The following KCNK2 variants were observed in gnomAD, a reference collection of about 807,000 sequenced individuals.
The protein encoded by KCNK2 is potassium channel subfamily K member 2.
KCNK2 carries 21 observed loss-of-function variants against 40.5 expected under a neutral mutation model. The observed-to-expected ratio is 0.52, with a 90% CI of 0.37 to 0.75. KCNK2 has a LOEUF of 0.75. Among genes scored for constraint, KCNK2 ranks in the 30% least tolerant of loss-of-function variants. The probability of loss-of-function intolerance (pLI) is 0.00; values close to 1 mark genes in which losing one functional copy is unlikely to be tolerated. For synonymous variants in KCNK2, 191 were observed against 202.2 expected (o/e 0.94, Z 0.47); for missense variants, 399 against 531.6 (o/e 0.75, Z 2.45).
At position 215,208,858 on chromosome 1, in the gene KCNK2, C is replaced by T. The variant is rs150778284; in HGVS notation, c.963+13766C>T. 5.4e-3 allele frequency among the ~76,000 whole-genome samples: 815 copies of T among 151,946 alleles called. 19 individuals are homozygous for T. In the South Asian group the frequency reaches 0.063, roughly 12 times the overall value. On this transcript the variant is annotated intron_variant, in intron 6 of 6. Coordinates refer to ENST00000444842, the MANE Select transcript of KCNK2 (RefSeq NM_001017425.3). Reference sequence around the variant, plus strand: ...TCTGTTTTGTTTTGAGATGGAGTCTCGTTCTGTGGACCAGGCTGGAGTGCA... The same window carrying T: ...TCTGTTTTGTTTTGAGATGGAGTCTTGTTCTGTGGACCAGGCTGGAGTGCA...
At chr1:215,097,973 T>G (rs1660051705) in intron 2 of KCNK2, among the ~76,000 whole-genome samples, 1 of 151,990 alleles carries the variant, frequency 6.6e-6, no homozygotes, top group Admixed American at 6.6e-5. Context: ...TTAGGTAATA[T>G]TCTTACCAGT....
rs1430967148 is a variant in KCNK2, at chr1:215,083,055, C to A, written c.-331C>A. ...CGGGCAGGCGCGGGACCCGGGTCGC[C>A]CGCGCTCTCCGGGTGACCCGGGCCC... is the stretch of plus-strand genomic sequence containing the variant. On this transcript the variant is annotated 5_prime_UTR_variant, in exon 1 of 7. Transcript: ENST00000444842. The A allele has an allele frequency of 4.8e-6, 1 of 207,924 alleles. No homozygotes were observed. Among genetic ancestry groups the A allele is most frequent in the Non-Finnish European group, 9.3e-6 (1 of 107,212 alleles). The allele number at this position is 207,924 out of a possible 1,614,324, so 12.9% of individuals were successfully genotyped here.
chr1:215,195,065 A>G lies in KCNK2; in HGVS notation c.936A>G (p.Arg312=), dbSNP rs1187577902. 1 of 1,608,932 alleles carries G rather than the reference A, an allele frequency of 6.2e-7. No individual in the cohort carries two copies. The highest frequency in any genetic ancestry group is 1.1e-5 in the South Asian group (1 of 90,336). The change falls in exon 6 of 7, where the codon CGA becomes CGG. Residue 312 remains arginine, a synonymous_variant. Coordinates refer to ENST00000444842, the MANE Select transcript of KCNK2 (RefSeq NM_001017425.3). ...TGAGCATGATTGGAGATTGGCTCCG[A>G]GTGATATCTAAAAAGACAAAAGAAG... ...AVLSMIGDWL[R]VISKKTKEEV...
intron 2 of KCNK2, among the ~76,000 whole-genome samples, chr1:215,121,190 CA>C (rs1379825545): frequency 6.6e-6 from 1 of 152,110 alleles, no homozygotes; most frequent in Non-Finnish European, 1.5e-5. Context: ...AAACCGAAAT[CA>C]AACAAACAAA....
intron 1 of KCNK2, among the ~76,000 whole-genome samples, chr1:215,029,008 C>A (rs1657091858): frequency 6.7e-6 from 1 of 150,100 alleles, no homozygotes; most frequent in African/African-American, 2.4e-5. Context: ...TAGCAAAATT[C>A]ACTGAAGGGT....
intron 5 of KCNK2, among the ~76,000 whole-genome samples, chr1:215,178,466 C>T (rs1365988750): frequency 6.6e-6 from 1 of 152,124 alleles, no homozygotes; most frequent in Non-Finnish European, 1.5e-5. Flanking sequence ...CCAGTTTTTG[C>T]CCATGCAGTA....
At chr1:215,044,824 T>TGCGCGC (rs1472417029) in intron 1 of KCNK2, among the ~76,000 whole-genome samples, 1 of 52,420 alleles carries the variant, frequency 1.9e-5, no homozygotes, top group Non-Finnish European at 6.1e-5. Flanking sequence ...TGTGTGTGTG[T>TGCGCGC]GTGCGCGCGC....
chr1:215,234,040 T>G (rs1179076250), intron 6 of KCNK2, among the ~76,000 whole-genome samples: 4 of 152,196 alleles, frequency 2.6e-5, no homozygotes. Flanking sequence ...GCCATCCTGT[T>G]AGGTGTGTAC....
At chr1:215,194,860 C>A in intron 5 of KCNK2, 93 bp from the exon 6 acceptor site, 1 of 1,203,526 alleles carries the variant, frequency 8.3e-7, no homozygotes, top group East Asian at 2.5e-5. Flanking sequence ...CTATGTTTTG[C>A]AAACCAAAAT....
intron 6 of KCNK2, among the ~76,000 whole-genome samples, chr1:215,212,758 G>A (rs925532775): frequency 6.6e-6 from 1 of 152,150 alleles, no homozygotes; most frequent in Non-Finnish European, 1.5e-5. Flanking sequence ...AACAACACAA[G>A]TTTTCTTCTT....
At chr1:215,112,808 C>T (rs1025071065) in intron 2 of KCNK2, among the ~76,000 whole-genome samples, 6 of 152,134 alleles carry the variant, frequency 3.9e-5, no homozygotes, top group African/African-American at 1.2e-4. Context: ...GAGCAATAGG[C>T]TATACCATAT....
At chr1:215,212,082 G>A (rs959236338) in intron 6 of KCNK2, among the ~76,000 whole-genome samples, 2 of 152,130 alleles carry the variant, frequency 1.3e-5, no homozygotes, top group Non-Finnish European at 2.9e-5. Flanking sequence ...AGAAATTACT[G>A]TAAGAGGTGG....
chr1:215,007,147 ATATATATATGTATG>A (rs1656189344), intron 1 of KCNK2, among the ~76,000 whole-genome samples: 1 of 117,874 alleles, frequency 8.5e-6, no homozygotes, highest in African/African-American at 3.5e-5. Flanking sequence ...ATATATGTGT[ATATATATATGTATG>A]TATATATATA....
intron 6 of KCNK2, among the ~76,000 whole-genome samples, chr1:215,202,569 A>G (rs1368332428): frequency 6.6e-6 from 1 of 152,208 alleles, no homozygotes; most frequent in Non-Finnish European, 1.5e-5. Context: ...ATGTAGCCTC[A>G]GTATTATGTT....
chr1:215,191,469 C>T (rs1387736429), intron 5 of KCNK2, among the ~76,000 whole-genome samples: 2 of 151,822 alleles, frequency 1.3e-5, no homozygotes, highest in Non-Finnish European at 2.9e-5. Context: ...GCAATAATAC[C>T]AGCCTGAACT....
chr1:215,015,708 G>A (rs35255190), intron 1 of KCNK2, among the ~76,000 whole-genome samples: 33,883 of 151,994 alleles, frequency 0.22, 4,549 homozygotes, highest in South Asian at 0.5. Context: ...TGTTGTGTTA[G>A]AGCTGAAAAA....
intron 4 of KCNK2, among the ~76,000 whole-genome samples, chr1:215,170,107 G>C (rs547100400): frequency 1.3e-4 from 20 of 152,240 alleles, no homozygotes; most frequent in Non-Finnish European, 2.6e-4. Flanking sequence ...AACATAAGTA[G>C]TAAATGACTG....
At chr1:215,030,471 A>G (rs1350927560) in intron 1 of KCNK2, among the ~76,000 whole-genome samples, 9 of 152,074 alleles carry the variant, frequency 5.9e-5, no homozygotes, top group Non-Finnish European at 1.2e-4. Flanking sequence ...CTAAAAAGTC[A>G]TCACCAAAGC....
intron 1 of KCNK2, among the ~76,000 whole-genome samples, chr1:215,031,225 G>A (rs1421487309): frequency 1.3e-5 from 2 of 152,082 alleles, no homozygotes; most frequent in Non-Finnish European, 2.9e-5. Flanking sequence ...TAGGTCTTTT[G>A]CATCACCATA....
Sources: gnomAD v4.1 joint callset for allele counts (sites outside exome capture counted in the v4.1 genomes callset) on GRCh38, gnomAD v4.1.1 for gene constraint, MANE v1.5 for transcripts, NCBI Gene and HGNC (gene_info 2026-07-23, HGNC 2026-07-21) for gene names.